The following XXYLT1 variants were observed in gnomAD, a reference collection of about 807,000 sequenced individuals.
The protein encoded by XXYLT1 is UDP-xylose:alpha-xyloside alpha-1,3-xylosyltransferase.
In XXYLT1, 20 loss-of-function variants were observed where a neutral mutation model predicts 28.9. That is an observed-to-expected ratio of 0.69 (90% confidence interval 0.49 to 1.00). The LOEUF (loss-of-function observed/expected upper bound fraction) is 1.00. XXYLT1 is among the 50% of genes least tolerant of loss of function. The probability of loss-of-function intolerance (pLI) is 0.00; values close to 1 mark genes in which losing one functional copy is unlikely to be tolerated. For synonymous variants in XXYLT1, 257 were observed against 253.8 expected (o/e 1.01, Z -0.12); for missense variants, 542 against 560.1 (o/e 0.97, Z 0.33).
intron 3 of XXYLT1, among the ~76,000 whole-genome samples, chr3:195,103,450 G>A (rs898850010): frequency 1.3e-5 from 2 of 151,684 alleles, no homozygotes; most frequent in East Asian, 1.9e-4. Context: ...CACACCAGCG[G>A]CCTGCGTCCA....
intron 3 of XXYLT1, among the ~76,000 whole-genome samples, chr3:195,101,721 G>A (rs1459638582): frequency 1.3e-5 from 2 of 151,024 alleles, no homozygotes; most frequent in East Asian, 3.9e-4. Flanking sequence ...AGCTACCTGG[G>A]AGGCTGAGGC....
intron 3 of XXYLT1, among the ~76,000 whole-genome samples, chr3:195,140,682 A>T (rs1719439520): frequency 6.6e-6 from 1 of 151,972 alleles, no homozygotes; most frequent in African/African-American, 2.4e-5. Flanking sequence ...AAAGAGAGAG[A>T]GCACAAGAAG....
At chr3:195,151,060 G>A (rs767304994) in intron 3 of XXYLT1, among the ~76,000 whole-genome samples, 54 of 151,914 alleles carry the variant, frequency 3.6e-4, no homozygotes, top group Non-Finnish European at 6.0e-4. Flanking sequence ...GACCTTGAGG[G>A]CTGCCTCCCA....
intron 3 of XXYLT1, among the ~76,000 whole-genome samples, chr3:195,128,575 C>T (rs1250104785): frequency 6.6e-6 from 1 of 152,220 alleles, no homozygotes; most frequent in African/African-American, 2.4e-5. Flanking sequence ...GGCTCCTGGA[C>T]TAAACTCTCA....
chr3:195,248,132 G>A (rs1560173943), intron 1 of XXYLT1, among the ~76,000 whole-genome samples: 1 of 152,302 alleles, frequency 6.6e-6, no homozygotes, highest in Non-Finnish European at 1.5e-5. Context: ...ATCCAGAGGG[G>A]TGCAAAAGGG....
At chr3:195,262,938 G>C (rs1725738333) in intron 1 of XXYLT1, among the ~76,000 whole-genome samples, 7 of 152,184 alleles carry the variant, frequency 4.6e-5, no homozygotes, top group Admixed American at 4.6e-4. Flanking sequence ...TCTTTTCAAA[G>C]AGCCTCTCCC....
rs6437466 is a variant in XXYLT1 at position 195,257,116 on chromosome 3, A to G, written c.504+13439T>C. Among the ~76,000 whole-genome samples, 22,136 of 152,212 alleles carry G rather than the reference A, an allele frequency of 0.15. 3,597 individuals carry two copies. The highest frequency in any genetic ancestry group is 0.4 in the African/African-American group (16,522 of 41,474). ...TCTTTACAAGCTTGAGGCCTCTGTA[A>G]GCGGCCAAGGACGCCATGTCCCGCA... On this transcript the variant is annotated intron_variant, in intron 1 of 3. Transcript: ENST00000310380. The surrounding 1 kb of genome is among the most constrained non-coding windows in gnomAD (Gnocchi z 4.3).
chr3:195,252,719 C>CAGAGAGAGAG (rs1484813323), intron 1 of XXYLT1, among the ~76,000 whole-genome samples: 83 of 138,362 alleles, frequency 6.0e-4, no homozygotes, highest in Middle Eastern at 7.5e-3. Flanking sequence ...CACACACACA[C>CAGAGAGAGAG]ACACACACAG....
intron 3 of XXYLT1, among the ~76,000 whole-genome samples, chr3:195,100,409 T>C (rs1560094229): frequency 6.6e-6 from 1 of 152,196 alleles, no homozygotes; most frequent in African/African-American, 2.4e-5. Flanking sequence ...GGGACACATT[T>C]AGCACACACA....
chr3:195,096,500 AACAC>A (rs1167535581), intron 3 of XXYLT1, among the ~76,000 whole-genome samples: 1 of 152,168 alleles, frequency 6.6e-6, no homozygotes, highest in African/African-American at 2.4e-5. Context: ...CATGCTGACA[AACAC>A]ACACGATACA....
Position 195,180,518 on chromosome 3 carries a change from TGAAAAGAA to T in XXYLT1, c.653-23945_653-23938del. 1.0e-6 allele frequency: 1 copy of T among 985,486 alleles called. No homozygotes were observed. Among genetic ancestry groups the T allele is most frequent in the Non-Finnish European group, 1.2e-6 (1 of 829,970 alleles). The allele number at this position is 985,486 out of a possible 1,614,324, so 61.0% of individuals were successfully genotyped here. A position where few individuals can be genotyped will look rare whatever the true frequency, so the allele number is the denominator to read the frequency against. ...CTCCTCTTCCTGGCTCTGTAGCCCT[TGAAAAGAA>T]GCAAACAAACAGATAAGGGTCAGCA... On this transcript the variant is annotated intron_variant, in intron 2 of 3. Transcript: ENST00000310380. This position sits in a 1 kb window ranked among gnomAD's most constrained non-coding sequence, Gnocchi z 5.8.
chr3:195,117,736 CGGAG>C, intron 3 of XXYLT1, among the ~76,000 whole-genome samples: 1 of 152,210 alleles, frequency 6.6e-6, no homozygotes, highest in Middle Eastern at 3.4e-3. Context: ...GGTGCCTGCC[CGGAG>C]CTCAGCTCTT....
chr3:195,236,245 C>A (rs533679881), intron 1 of XXYLT1, among the ~76,000 whole-genome samples: 2 of 152,060 alleles, frequency 1.3e-5, no homozygotes, highest in Non-Finnish European at 2.9e-5. Flanking sequence ...GGCCTGCAAT[C>A]GGAAGCCCTA....
chr3:195,204,580 C>T (rs1428186336), intron 2 of XXYLT1, among the ~76,000 whole-genome samples: 1 of 151,880 alleles, frequency 6.6e-6, no homozygotes, highest in Non-Finnish European at 1.5e-5. Flanking sequence ...ACAAGGTGGC[C>T]CAGAAGACCA....
intron 1 of XXYLT1, chr3:195,270,259 C>G (rs565142315): frequency 6.6e-5 from 38 of 577,102 alleles, no homozygotes; most frequent in East Asian, 2.5e-4. Flanking sequence ...AACCCTGCAA[C>G]GTTAGCAAAA....
intron 1 of XXYLT1, among the ~76,000 whole-genome samples, chr3:195,252,719 C>CAGAGAGAGAGAG (rs1484813323): frequency 2.9e-4 from 40 of 138,386 alleles, no homozygotes; most frequent in African/African-American, 1.2e-3. Flanking sequence ...CACACACACA[C>CAGAGAGAGAGAG]ACACACACAG....
At chr3:195,214,945 G>A (rs1451536017) in intron 2 of XXYLT1, 1 of 151,880 alleles carries the variant, frequency 6.6e-6, no homozygotes, top group Non-Finnish European at 1.5e-5. Flanking sequence ...CCCTCAAAGG[G>A]AAGCCCATCA....
chr3:195,157,629 T>G (rs1720671306), intron 2 of XXYLT1, among the ~76,000 whole-genome samples: 1 of 152,152 alleles, frequency 6.6e-6, no homozygotes, highest in Non-Finnish European at 1.5e-5. Context: ...TCCTAGGTGT[T>G]GTGCCAGGCA....
At chr3:195,191,702 T>A (rs1254038294) in intron 2 of XXYLT1, among the ~76,000 whole-genome samples, 1 of 152,228 alleles carries the variant, frequency 6.6e-6, no homozygotes, top group African/African-American at 2.4e-5. Context: ...ATACAATAAC[T>A]ATACAATAGC....
Sources: allele counts gnomAD v4.1 joint callset (sites outside exome capture counted in the v4.1 genomes callset), GRCh38; gene constraint gnomAD v4.1.1; non-coding constraint Gnocchi (gnomAD v3.1); transcripts MANE v1.5; gene names NCBI Gene and HGNC (gene_info 2026-07-23, HGNC 2026-07-21).